The following RREB1 variants were observed in gnomAD, a reference collection of about 807,000 sequenced individuals.
The protein encoded by RREB1 is ras-responsive element-binding protein 1.
RREB1 carries 27 observed loss-of-function variants against 117.8 expected under a neutral mutation model. That is an observed-to-expected ratio of 0.23 (90% CI 0.17 to 0.32). RREB1 has a LOEUF of 0.32. Among genes scored for constraint, RREB1 ranks in the 10% least tolerant of loss-of-function variants. The pLI is 1.00. For synonymous variants in RREB1, 1,298 were observed against 1,026.7 expected (o/e 1.26, Z -5.05); for missense variants, 2,577 against 2,378.2 (o/e 1.08, Z -1.74).
chr6:7,116,748 A>G (rs1761417030), intron 1 of RREB1, among the ~76,000 whole-genome samples: 1 of 152,240 alleles, frequency 6.6e-6, no homozygotes, highest in Non-Finnish European at 1.5e-5. Context: ...ATTTTGAATT[A>G]CAGAAATTCT....
chr6:7,124,460 G>A (rs1761821909), intron 1 of RREB1, among the ~76,000 whole-genome samples: 1 of 152,194 alleles, frequency 6.6e-6, no homozygotes, highest in Non-Finnish European at 1.5e-5. Flanking sequence ...ATGGTAGCTA[G>A]CATTGCCTCT....
rs545649667 is a variant in RREB1, at chr6:7,140,073, AT to A, written c.-285+32021del. 1.3e-3 allele frequency among the ~76,000 whole-genome samples: 198 copies of A among 152,214 alleles called. 1 individual carries two copies. The highest frequency in any genetic ancestry group is 4.6e-3 in the African/African-American group (189 of 41,522). On this transcript the variant is annotated intron_variant, in intron 1 of 12. Transcript: ENST00000379938. Reference sequence around the variant, plus strand: ...GAGTCCAAGGTCACATGGATTTTGAATTTTTTTTAATTATTGAGAATTTAGG... The same window carrying A: ...GAGTCCAAGGTCACATGGATTTTGAATTTTTTTAATTATTGAGAATTTAGG...
intron 1 of RREB1, among the ~76,000 whole-genome samples, chr6:7,160,719 A>G (rs1224213868): frequency 6.7e-5 from 10 of 149,088 alleles, no homozygotes; most frequent in Non-Finnish European, 1.3e-4. Context: ...ACGGAGTCTC[A>G]TTCTGTCACC....
In RREB1 at chr6:7,223,413, T is replaced by C. The variant is rs548053901; in HGVS notation, c.708-3054T>C. ...CCCGTCTCTACTAAAACACAAAAAT[T>C]AGCTGGGCGTGGTGGCGCATGCCTG... On this transcript the variant is annotated intron_variant, in intron 8 of 12. Coordinates refer to ENST00000379938, the MANE Select transcript of RREB1 (RefSeq NM_001003699.4). Among the ~76,000 whole-genome samples the C allele has an allele frequency of 2.1e-3, 320 of 151,990 alleles. 1 individual carries two copies. The highest frequency in any genetic ancestry group is 3.4e-3 in the Non-Finnish European group (228 of 67,968).
rs143321297 is a variant in RREB1, at chr6:7,108,316, T to TTCCTCC, written c.-285+275_-285+280dup. Among the ~76,000 whole-genome samples, 819 of 148,064 alleles carry TTCCTCC rather than the reference T, an allele frequency of 5.5e-3. 7 individuals carry two copies. Among genetic ancestry groups the TTCCTCC allele is most frequent in the African/African-American group, 0.012 (503 of 40,656 alleles). On this transcript the variant is annotated intron_variant, in intron 1 of 12. Transcript: ENST00000379938. ...TCCCCTCGGGCTGCGCGCCGGGCCA[T>TTCCTCC]TCCTCCTCCTCCTCCTCCTCCTCCC...
chr6:7,122,814 T>C (rs1761734353), intron 1 of RREB1, among the ~76,000 whole-genome samples: 1 of 151,654 alleles, frequency 6.6e-6, no homozygotes, highest in African/African-American at 2.4e-5. Flanking sequence ...AAGTGTGTTA[T>C]AAATACAGCA....
In RREB1 at chr6:7,240,582, T is replaced by C. The variant is rs1768644629; in HGVS notation, c.3953T>C (p.Val1318Ala). 4 of 1,613,480 alleles carry C rather than the reference T, an allele frequency of 2.5e-6. No homozygotes were observed. Among genetic ancestry groups the C allele is most frequent in the Middle Eastern group, 1.6e-4 (1 of 6,062 alleles). Residue 1318 changes from valine (V) to alanine (A), a missense_variant, in exon 11 of 13, where the codon GTT (valine) becomes GCT (alanine). Val to Ala is a moderately conservative substitution (Grantham distance 64). Coordinates refer to ENST00000379938, the MANE Select transcript of RREB1 (RefSeq NM_001003699.4). ...ATCCCCCAGTCAAAAGAGAGTGATG[T>C]TGGATCCCATGATAGCACAGGTAGT... ...GLIPQSKESD[V>A]GSHDSTDSQS...
intron 1 of RREB1, among the ~76,000 whole-genome samples, chr6:7,146,434 G>A (rs1229734092): frequency 1.3e-5 from 2 of 152,132 alleles, no homozygotes; most frequent in Admixed American, 1.3e-4. Flanking sequence ...CACGCAGACA[G>A]CCTGGGAGGG....
intron 6 of RREB1, among the ~76,000 whole-genome samples, chr6:7,207,903 G>A (rs1198959420): frequency 1.3e-5 from 2 of 152,316 alleles, no homozygotes; most frequent in East Asian, 3.9e-4. Flanking sequence ...TCAATGTGAG[G>A]GAGATGGTTT....
intron 1 of RREB1, among the ~76,000 whole-genome samples, chr6:7,133,238 C>G (rs1188987870): frequency 1.3e-5 from 2 of 152,152 alleles, no homozygotes; most frequent in East Asian, 3.8e-4. Context: ...GAACTCTGGA[C>G]TTGCATGTCA....
intron 8 of RREB1, among the ~76,000 whole-genome samples, chr6:7,220,244 G>T (rs1767166421): frequency 6.6e-6 from 1 of 152,208 alleles, no homozygotes; most frequent in Non-Finnish European, 1.5e-5. Context: ...GGTGTTTTCT[G>T]GGTGAAACAG....
chr6:7,202,130 C>A (rs1186944175), intron 6 of RREB1, among the ~76,000 whole-genome samples: 1 of 152,160 alleles, frequency 6.6e-6, no homozygotes. Context: ...TATAACACAA[C>A]ATCCCCAGAG....
chr6:7,132,676 T>C (rs1024324902), intron 1 of RREB1, among the ~76,000 whole-genome samples: 1 of 152,230 alleles, frequency 6.6e-6, no homozygotes, highest in African/African-American at 2.4e-5. Flanking sequence ...GCTTTTGCTC[T>C]TCACACACAG....
rs1364639301 is a variant in RREB1 at position 7,210,885 on chromosome 6, C to T, written c.507C>T (p.Ser169=). 6.2e-7 allele frequency: 1 copy of T among 1,614,080 alleles called. No homozygotes were observed. Among genetic ancestry groups the T allele is most frequent in the East Asian group, 2.2e-5 (1 of 44,900 alleles). ...CTCCTCTGAAACGTAGGCGATTGTC[C>T]TCCAAGAGGAAACTGAGTCACGATG... ...PPSPLKRRRL[S]SKRKLSHDAE... Residue 169 remains serine (S), a synonymous_variant, in exon 7 of 13, where the codon TCC becomes TCT. Transcript: ENST00000379938.
chr6:7,126,982 G>A (rs1410718403), intron 1 of RREB1, among the ~76,000 whole-genome samples: 1 of 152,220 alleles, frequency 6.6e-6, no homozygotes, highest in Non-Finnish European at 1.5e-5. Context: ...GGCTTGTCAT[G>A]TGGAGGAGGA....
At chr6:7,244,724 T>C (rs550138597) in intron 11 of RREB1, among the ~76,000 whole-genome samples, 4 of 152,116 alleles carry the variant, frequency 2.6e-5, no homozygotes, top group South Asian at 4.2e-4. Context: ...GTAAAACTAA[T>C]GAAATGAAAT....
chr6:7,228,878 TG>T, intron 9 of RREB1, 118 bp from the exon 10 acceptor site: 1 of 884,738 alleles, frequency 1.1e-6, no homozygotes, highest in Non-Finnish European at 1.5e-6. Flanking sequence ...CTTTATGTTA[TG>T]GGGAAAGGCT....
chr6:7,241,122 A>G (rs2113168641), intron 11 of RREB1, among the ~76,000 whole-genome samples: 1 of 152,140 alleles, frequency 6.6e-6, no homozygotes, highest in Admixed American at 6.5e-5. Context: ...CTTGTTTGAA[A>G]AAGCACTGTG....
In RREB1 at chr6:7,229,691, A is replaced by G; in HGVS notation, c.1592A>G (p.Gln531Arg). 1.2e-6 allele frequency: 2 copies of G among 1,610,554 alleles called. No homozygotes were observed. The highest frequency in any genetic ancestry group is 2.2e-5 in the South Asian group (2 of 90,786). Residue 531 changes from glutamine (Q) to arginine (R), a missense_variant, in exon 10 of 13, where the codon CAG becomes CGG. Physicochemically the swap from Gln to Arg is conservative, Grantham distance 43. Coordinates refer to ENST00000379938, the MANE Select transcript of RREB1 (RefSeq NM_001003699.4). The surrounding 1 kb of genome is among the most constrained non-coding windows in gnomAD (Gnocchi z 4.5). ...TSTPPPLINA[Q>R]QASPGCISPS... is the part of the protein sequence containing the mutation. ...ACGCCCCCGCCTCTCATCAACGCCC[A>G]GCAGGCTTCCCCGGGCTGTATCAGC... is the stretch of plus-strand genomic sequence containing the variant.
Sources: allele counts gnomAD v4.1 joint callset (sites outside exome capture counted in the v4.1 genomes callset), GRCh38; gene constraint gnomAD v4.1.1; non-coding constraint Gnocchi (gnomAD v3.1); transcripts MANE v1.5; gene names NCBI Gene and HGNC (gene_info 2026-07-23, HGNC 2026-07-21).